Variants in TSPEAR observed in about 807,000 individuals in gnomAD.
TSPEAR encodes the protein thrombospondin type laminin G domain and EAR repeats, also known as thrombospondin-type laminin G domain and EAR repeat-containing protein.
Under a neutral mutation model 71.6 loss-of-function variants are expected in TSPEAR, and 69 were observed. The ratio of observed to expected loss-of-function variants is 0.96; its 90% CI spans 0.79 to 1.18. TSPEAR has a LOEUF of 1.18. TSPEAR is among the 50% of genes most tolerant of loss of function. TSPEAR has a pLI of 0.00. For synonymous variants in TSPEAR, 402 were observed against 387.2 expected, an observed-to-expected ratio of 1.04 and a Z score of -0.45; for missense variants, 971 against 894.9, an observed-to-expected ratio of 1.09 and a Z score of -1.09.
At chr21:44,609,291 A>T (rs1981510567) in intron 1 of TSPEAR, among the ~76,000 whole-genome samples, 2 of 152,234 alleles carry the variant, frequency 1.3e-5, no homozygotes, top group Non-Finnish European at 2.9e-5. Flanking sequence ...CAGAAATTAT[A>T]TCCAGCTAAG....
At chr21:44,647,460 C>T in intron 1 of TSPEAR, 1 of 1,317,766 alleles carries the variant, frequency 7.6e-7, no homozygotes, top group Non-Finnish European at 1.0e-6. Context: ...CCATCAGTAG[C>T]CACAGAGCTG....
intron 2 of TSPEAR, among the ~76,000 whole-genome samples, chr21:44,542,437 T>C (rs970418920): frequency 2.6e-5 from 4 of 152,248 alleles, no homozygotes; most frequent in South Asian, 2.1e-4. Flanking sequence ...ATGAAATGCA[T>C]AGATGCAAAG....
chr21:44,503,987 C>T (rs1359276017), intron 11 of TSPEAR, among the ~76,000 whole-genome samples: 1 of 140,604 alleles, frequency 7.1e-6, no homozygotes, highest in African/African-American at 2.8e-5. Context: ...GGCGGGGAAG[C>T]AAGGCTCTGG....
intron 2 of TSPEAR, among the ~76,000 whole-genome samples, chr21:44,554,401 A>G (rs1215068889): frequency 1.3e-5 from 2 of 152,184 alleles, no homozygotes; most frequent in Non-Finnish European, 2.9e-5. Context: ...AGCAGCCCCA[A>G]CTGACTGTGA....
chr21:44,599,824 G>C (rs1222293288), intron 1 of TSPEAR, among the ~76,000 whole-genome samples: 1 of 152,258 alleles, frequency 6.6e-6, no homozygotes, highest in Non-Finnish European at 1.5e-5. Flanking sequence ...CGAAAGCAGT[G>C]CTTGCTGCTT....
intron 1 of TSPEAR, among the ~76,000 whole-genome samples, chr21:44,643,909 G>A (rs587605055): frequency 7.2e-5 from 11 of 152,370 alleles, no homozygotes; most frequent in African/African-American, 2.4e-4. Context: ...TGCTGTCATC[G>A]CGTCTCCAGC....
chr21:44,698,544 G>T lies in TSPEAR; in HGVS notation c.82+12889C>A, dbSNP rs373650267. On this transcript the variant is annotated intron_variant, in intron 1 of 11. Transcript: ENST00000323084. Reference sequence around the variant, plus strand: ...ATGGGCGAGTGTCAGAGGTGGCAGCGGGGTCACTCGCAGGCACAGCCGTCC... The same window carrying T: ...ATGGGCGAGTGTCAGAGGTGGCAGCTGGGTCACTCGCAGGCACAGCCGTCC... Among the ~76,000 whole-genome samples, 30 of 152,266 alleles carry T rather than the reference G, an allele frequency of 2.0e-4. 1 individual carries two copies. The South Asian group carries it at 5.2e-3, about 26-fold the overall frequency.
intron 1 of TSPEAR, among the ~76,000 whole-genome samples, chr21:44,592,967 C>G (rs1555927136): frequency 3.3e-5 from 5 of 152,192 alleles, no homozygotes; most frequent in Non-Finnish European, 7.4e-5. Flanking sequence ...CTGCCCTGGG[C>G]CATGGCATGG....
chr21:44,657,119 C>T (rs781902435), intron 1 of TSPEAR, among the ~76,000 whole-genome samples: 12 of 152,204 alleles, frequency 7.9e-5, no homozygotes, highest in Non-Finnish European at 1.3e-4. Flanking sequence ...TCCTCACAGA[C>T]GCCCCCCAGA....
At chr21:44,539,182 G>T in intron 2 of TSPEAR, 2 of 1,471,596 alleles carry the variant, frequency 1.4e-6, no homozygotes, top group Non-Finnish European at 1.8e-6. Context: ...CCTCAGCACA[G>T]GGGAGACACG....
intron 1 of TSPEAR, among the ~76,000 whole-genome samples, chr21:44,599,134 T>TTCCCTCTCTCTC (rs1980575358): frequency 1.1e-5 from 1 of 92,280 alleles, no homozygotes; most frequent in Admixed American, 1.4e-4. Context: ...GGCCCCCATT[T>TTCCCTCTCTCTC]TCTCTCTCTC....
intron 1 of TSPEAR, among the ~76,000 whole-genome samples, chr21:44,699,028 T>G (rs1198277154): frequency 6.6e-6 from 1 of 152,042 alleles, no homozygotes; most frequent in Non-Finnish European, 1.5e-5. Flanking sequence ...TAGTGAGACC[T>G]TGTCTCTAAA....
intron 2 of TSPEAR, among the ~76,000 whole-genome samples, chr21:44,562,004 T>G (rs1555921111): frequency 1.3e-5 from 2 of 151,934 alleles, no homozygotes; most frequent in East Asian, 1.9e-4. Context: ...TAGAAAGAAA[T>G]AAAGAGTATT....
intron 10 of TSPEAR, among the ~76,000 whole-genome samples, chr21:44,505,984 G>A (rs1555911874): frequency 6.6e-6 from 1 of 152,194 alleles, no homozygotes; most frequent in African/African-American, 2.4e-5. Flanking sequence ...GTGCAGAAAT[G>A]GCGTCACAGT....
intron 1 of TSPEAR, chr21:44,580,633 G>A: frequency 6.5e-7 from 1 of 1,535,568 alleles, no homozygotes; most frequent in Non-Finnish European, 8.9e-7. Context: ...GTGAGTGAGT[G>A]TGTGAGTGAG....
chr21:44,627,733 T>TGC (rs1982944283), intron 1 of TSPEAR: 2 of 1,595,264 alleles, frequency 1.3e-6, no homozygotes, highest in African/African-American at 2.7e-5. Context: ...GCCTGTCTGC[T>TGC]GTAAGCCTGT....
At position 44,637,498 on chromosome 21, in the gene TSPEAR, CGA is replaced by C. The variant is rs781914167; in HGVS notation, c.83-69495_83-69494del. 8.7e-6 allele frequency: 14 copies of C among 1,613,302 alleles called. No homozygotes were observed. In the Admixed American group the frequency reaches 1.0e-4, roughly 12 times the overall value. ...TAGTCGACTGCCCAGAGAGCTGCTG[CGA>C]GCCCTGCTGCTGTGCCCCAGCCCCC... On this transcript the variant is annotated intron_variant, in intron 1 of 11. Transcript: ENST00000323084.
At chr21:44,552,770 G>T (rs587650750) in intron 2 of TSPEAR, among the ~76,000 whole-genome samples, 1 of 152,132 alleles carries the variant, frequency 6.6e-6, no homozygotes, top group South Asian at 2.1e-4. Flanking sequence ...CACCTGCCTC[G>T]CCATTGTGAT....
chr21:44,601,630 G>T, intron 1 of TSPEAR: 1 of 1,613,392 alleles, frequency 6.2e-7, no homozygotes, highest in Non-Finnish European at 8.5e-7. Context: ...CTCCTGCCAG[G>T]CCAGCTGCTG....
Sources: allele counts gnomAD v4.1 joint callset (sites outside exome capture counted in the v4.1 genomes callset), GRCh38; gene constraint gnomAD v4.1.1; transcripts MANE v1.5; gene names NCBI Gene and HGNC (gene_info 2026-07-23, HGNC 2026-07-21).